TFEB: variants seen among roughly 807,000 people sequenced by gnomAD.
TFEB encodes T-cell transcription factor EB.
A neutral mutation model predicts 48.0 loss-of-function variants in TFEB; 12 were observed. The observed-to-expected ratio is 0.25, with a 90% confidence interval of 0.16 to 0.40. The LOEUF (loss-of-function observed/expected upper bound fraction) is 0.40, where lower values mean the gene tolerates loss of function less well. Among genes scored for constraint, TFEB ranks in the 10% least tolerant of loss-of-function variants. The pLI, the probability that TFEB is intolerant of heterozygous loss-of-function variation, is 1.00. For synonymous variants in TFEB, 244 were observed against 261.4 expected, an observed-to-expected ratio of 0.93 and a Z score of 0.64; for missense variants, 509 against 640.3, an observed-to-expected ratio of 0.79 and a Z score of 2.21.
At position 41,727,121 on chromosome 6, in the gene TFEB, G is replaced by A. The variant is rs568513084; in HGVS notation, c.-23+8229C>T. On this transcript the variant is annotated intron_variant, in intron 1 of 8. Coordinates refer to ENST00000373033, the MANE Select transcript of TFEB (RefSeq NM_001271944.2). ...TTCCTGGCCATGGGTAGGGGGTTGCGTCAGGCTGGGCACCTTCGCAGCCAC... is the reference window on the plus strand; with the variant it reads ...TTCCTGGCCATGGGTAGGGGGTTGCATCAGGCTGGGCACCTTCGCAGCCAC... Among the ~76,000 whole-genome samples, 229 of 152,320 alleles carry A rather than the reference G, an allele frequency of 1.5e-3. 2 individuals carry two copies. Among genetic ancestry groups the A allele is most frequent in the Middle Eastern group, 6.8e-3 (2 of 294 alleles).
intron 1 of TFEB, among the ~76,000 whole-genome samples, chr6:41,721,106 GA>G (rs1770961129): frequency 1.3e-5 from 2 of 151,964 alleles, no homozygotes; most frequent in African/African-American, 4.8e-5. Context: ...CATCACCCAG[GA>G]ATCCCTCTCT....
rs1171621513 is a variant in TFEB at position 41,684,985 on chromosome 6, C to G, written c.1045G>C (p.Glu349Gln). ...CCTGGGCCCTCTTCGCTAGGCAGCT[C>G]CTGCTTCACCACCTGCTGGGCCAGC... ...AELAQQVVKQ[E>Q]LPSEEGPGEA... Residue 349 changes from glutamate to glutamine, a missense_variant, in exon 9 of 9, where the codon GAG becomes CAG. This residue lies in a region of TFEB where 62 missense variants were observed against 90.2 expected (regional missense o/e 0.69). Coordinates refer to ENST00000373033, the MANE Select transcript of TFEB (RefSeq NM_001271944.2). 1 of 1,570,236 alleles carries G rather than the reference C, an allele frequency of 6.4e-7. No individual in the cohort carries two copies. The highest frequency in any genetic ancestry group is 1.9e-5 in the Admixed American group (1 of 53,662).
chr6:41,702,097 C>G (rs961532848), intron 1 of TFEB, among the ~76,000 whole-genome samples: 2 of 152,174 alleles, frequency 1.3e-5, no homozygotes, highest in Admixed American at 1.3e-4. Flanking sequence ...GGAAAGGTCT[C>G]CCCATGTAGA....
At chr6:41,726,034 G>A (rs1771193503) in intron 1 of TFEB, among the ~76,000 whole-genome samples, 1 of 152,216 alleles carries the variant, frequency 6.6e-6, no homozygotes, top group South Asian at 2.1e-4. Context: ...GCTTGAGCTG[G>A]GGAGGTGGAG....
At chr6:41,687,242 G>T in intron 6 of TFEB, 73 bp from the exon 7 acceptor site, 1 of 1,457,858 alleles carries the variant, frequency 6.9e-7, no homozygotes, top group Non-Finnish European at 9.6e-7. Context: ...GAAGTACCCA[G>T]CCCAGGGAGG....
intron 1 of TFEB, among the ~76,000 whole-genome samples, chr6:41,693,280 A>G (rs116653008): frequency 7.6e-4 from 116 of 152,346 alleles, no homozygotes; most frequent in African/African-American, 2.6e-3. Flanking sequence ...GATAATAGAA[A>G]TAATAATAAC....
chr6:41,735,303 G>A (rs6939861), intron 1 of TFEB, 47 bp downstream of exon 1: 255,101 of 984,174 alleles, frequency 0.26, 33,442 homozygotes, highest in East Asian at 0.35. Context: ...GCCTGGGTCG[G>A]GGGTCCCGGG....
Position 41,691,069 on chromosome 6 carries a change from G to T in TFEB, c.145C>A (p.Pro49Thr). The change falls in exon 2 of 9, where the codon CCC becomes ACC. Residue 49 changes from proline to threonine, a missense_variant. Around this residue, in one of 4 missense-constraint regions of TFEB, gnomAD observed 251 missense variants for 317.2 expected, o/e 0.79. Coordinates refer to ENST00000373033, the MANE Select transcript of TFEB (RefSeq NM_001271944.2). The surrounding 1 kb of genome is among the most constrained non-coding windows in gnomAD (Gnocchi z 5.2). ...ACGGGGGTATTGATGGCCGGGGTGG[G>T]CGGCCCTCCGAGCTGCTGCTGTTGC... ...QQQQQQLGGP[P>T]TPAINTPVHF... The T allele has an allele frequency of 6.4e-7, 1 of 1,571,316 alleles. No individual in the cohort carries two copies. Among genetic ancestry groups the T allele is most frequent in the Non-Finnish European group, 8.6e-7 (1 of 1,157,266 alleles).
At chr6:41,722,285 C>T (rs1412483337) in intron 1 of TFEB, among the ~76,000 whole-genome samples, 3 of 152,194 alleles carry the variant, frequency 2.0e-5, no homozygotes, top group East Asian at 1.9e-4. Flanking sequence ...TGGCTCCATT[C>T]GCTATATTAA....
At position 41,691,004 on chromosome 6, in the gene TFEB, C is replaced by T. The variant is rs764793902; in HGVS notation, c.210G>A (p.Leu70=). Residue 70 remains leucine, a synonymous_variant, in exon 2 of 9, where the codon TTG becomes TTA. Transcript: ENST00000373033. This position sits in a 1 kb window ranked among gnomAD's most constrained non-coding sequence, Gnocchi z 5.2. The part of the protein sequence containing the change: ...QSPPPVPGEV[L]KVQSYLENPT... ...GGCAGGCCAGAACAGGCCCTACCTTCAACACCTCCCCAGGCACAGGTGGTG... is the reference window on the plus strand; with the variant it reads ...GGCAGGCCAGAACAGGCCCTACCTTTAACACCTCCCCAGGCACAGGTGGTG... 2.5e-6 allele frequency: 4 copies of T among 1,574,718 alleles called. No homozygotes were observed. The African/African-American group carries it at 5.4e-5, about 21-fold the overall frequency.
intron 5 of TFEB, 29 bp from the exon 6 acceptor site, chr6:41,687,838 G>A (rs1298059603): frequency 1.2e-6 from 2 of 1,612,020 alleles, no homozygotes; most frequent in Admixed American, 1.7e-5. Flanking sequence ...GGAGAGAGGA[G>A]CTGGGAGGGA....
At position 41,734,878 on chromosome 6, in the gene TFEB, A is replaced by G. The variant is rs1004349762; in HGVS notation, c.-23+472T>C. 6 of 978,168 alleles carry G rather than the reference A, an allele frequency of 6.1e-6. No homozygotes were observed. In the African/African-American group the frequency reaches 1.1e-4, roughly 18 times the overall value. 60.6% of individuals were successfully genotyped at this position (978,168 alleles called of 1,614,324 possible). A position where few individuals can be genotyped will look rare whatever the true frequency, so the allele number is the denominator to read the frequency against. On this transcript the variant is annotated intron_variant, in intron 1 of 8. Transcript: ENST00000373033. The surrounding 1 kb of genome is among the most constrained non-coding windows in gnomAD (Gnocchi z 4.0). ...TCCCCCCGCTGGCCTGGCCAGACTC[A>G]GCCCCCGCACACCTCCCCTACCTCC... is the stretch of plus-strand genomic sequence containing the variant.
chr6:41,719,907 T>C (rs1018719645), intron 1 of TFEB, among the ~76,000 whole-genome samples: 2 of 146,964 alleles, frequency 1.4e-5, no homozygotes, highest in Non-Finnish European at 2.9e-5. Flanking sequence ...CTCAGCTTCC[T>C]GAGGCCCATT....
Position 41,691,141 on chromosome 6 carries a change from T to G in TFEB, c.73A>C (p.Met25Leu). 6.3e-7 allele frequency: 1 copy of G among 1,589,562 alleles called. No individual in the cohort carries two copies. Among genetic ancestry groups the G allele is most frequent in the Admixed American group, 1.7e-5 (1 of 57,300 alleles). ...QAQQEEQRER[M>L]QQQAVMHYMQ... Reference sequence around the variant, plus strand: ...TAATGCATGACAGCCTGTTGCTGCATGCGCTCCCGCTGCTCCTCCTGCTGC... The same window carrying G: ...TAATGCATGACAGCCTGTTGCTGCAGGCGCTCCCGCTGCTCCTCCTGCTGC... The change falls in exon 2 of 9, where the codon ATG becomes CTG. Residue 25 changes from methionine (M) to leucine (L), a missense_variant. Physicochemically the swap from Met to Leu is conservative, Grantham distance 15. This residue lies in a region of TFEB where 251 missense variants were observed against 317.2 expected (regional missense o/e 0.79). Transcript: ENST00000373033. The surrounding 1 kb of genome is among the most constrained non-coding windows in gnomAD (Gnocchi z 5.2).
At chr6:41,695,956 C>T (rs535297243) in intron 1 of TFEB, among the ~76,000 whole-genome samples, 1 of 152,312 alleles carries the variant, frequency 6.6e-6, no homozygotes, top group South Asian at 2.1e-4. Context: ...CTGCCCTGCT[C>T]GGTGCAGTGG....
intron 1 of TFEB, chr6:41,733,880 A>G: frequency 1.0e-6 from 1 of 985,986 alleles, no homozygotes; most frequent in Non-Finnish European, 1.2e-6. Context: ...ACCAGAGACC[A>G]GCCTCCAACC....
chr6:41,731,807 G>A (rs958017981), intron 1 of TFEB, among the ~76,000 whole-genome samples: 3 of 152,188 alleles, frequency 2.0e-5, no homozygotes, highest in Non-Finnish European at 4.4e-5. Flanking sequence ...GCACAAAGCC[G>A]GGCACCTAGA....
chr6:41,684,156 G>C lies in TFEB; in HGVS notation c.*443C>G, dbSNP rs575710260. ...GAGCCGAGGACCAGGCTGCGGGGTG[G>C]ACCTCCTGCCATCTGAGTCCCAAAA... On this transcript the variant is annotated 3_prime_UTR_variant, in exon 9 of 9. Transcript: ENST00000373033. The C allele has an allele frequency of 1.8e-3, 433 of 234,436 alleles. 2 individuals are homozygous for C. The highest frequency in any genetic ancestry group is 8.9e-3 in the African/African-American group (402 of 45,420). The allele number at this position is 234,436 out of a possible 1,614,324, so 14.5% of individuals were successfully genotyped here. A position where few individuals can be genotyped will look rare whatever the true frequency, so the allele number is the denominator to read the frequency against.
rs368071374 is a variant in TFEB, at chr6:41,688,345, G to T, written c.550-317C>A. On this transcript the variant is annotated intron_variant, in intron 4 of 8. Transcript: ENST00000373033. ...TCATCTAATCAATTCTAGAGTTTCT[G>T]GACGGTTTCCTGGAGGGTGTGGAAC... 62 of 270,838 alleles carry T rather than the reference G, an allele frequency of 2.3e-4. No individual in the cohort carries two copies. The South Asian group carries it at 7.0e-3, about 30-fold the overall frequency. 16.8% of individuals were successfully genotyped at this position (270,838 alleles called of 1,614,324 possible). A position where few individuals can be genotyped will look rare whatever the true frequency, so the allele number is the denominator to read the frequency against.
Sources: gnomAD v4.1 joint callset for allele counts (sites outside exome capture counted in the v4.1 genomes callset) on GRCh38, gnomAD v4.1.1 for gene constraint, gnomAD v4.1.1 regional missense constraint, Gnocchi (gnomAD v3.1) non-coding constraint, MANE v1.5 for transcripts, NCBI Gene and HGNC (gene_info 2026-07-23, HGNC 2026-07-21) for gene names.